Variants in GRIK2 observed in about 807,000 individuals in gnomAD.
GRIK2 encodes the protein glutamate receptor ionotropic, kainate 2.
GRIK2 carries 32 observed loss-of-function variants against 100.3 expected under a neutral mutation model. The observed-to-expected ratio is 0.32, with a 90% confidence interval of 0.24 to 0.43. The LOEUF is 0.43. Ranked by LOEUF, GRIK2 falls within the 20% of genes least tolerant of loss-of-function variation. GRIK2 has a pLI of 1.00. For synonymous variants in GRIK2, 417 were observed against 389.4 expected, an observed-to-expected ratio of 1.07 and a Z score of -0.83; for missense variants, 843 against 1,114.9, an observed-to-expected ratio of 0.76 and a Z score of 3.47.
At chr6:101,505,099 A>G (rs79052929) in intron 2 of GRIK2, among the ~76,000 whole-genome samples, 98 of 151,300 alleles carry the variant, frequency 6.5e-4, no homozygotes, top group African/African-American at 2.3e-3. Context: ...CATTAAGTTT[A>G]AAAATTACTA....
chr6:101,771,533 AT>A (rs1778404868), intron 7 of GRIK2, among the ~76,000 whole-genome samples: 1 of 150,856 alleles, frequency 6.6e-6, no homozygotes, highest in African/African-American at 2.4e-5. Context: ...ATTTATTATT[AT>A]TTTTTATTAT....
intron 12 of GRIK2, among the ~76,000 whole-genome samples, chr6:101,901,424 A>G (rs1787839123): frequency 6.6e-6 from 1 of 151,998 alleles, no homozygotes; most frequent in Admixed American, 6.6e-5. Flanking sequence ...GCCTGAATTC[A>G]TGGCAAACAA....
chr6:101,723,064 A>C (rs1774600714), intron 7 of GRIK2, among the ~76,000 whole-genome samples: 2 of 152,058 alleles, frequency 1.3e-5, no homozygotes, highest in Admixed American at 6.6e-5. Flanking sequence ...TGAGACAGAA[A>C]GAATGAGTAG....
chr6:102,059,825 A>G (rs914174224), intron 16 of GRIK2, among the ~76,000 whole-genome samples: 2 of 150,532 alleles, frequency 1.3e-5, no homozygotes, highest in Admixed American at 6.6e-5. Context: ...TGTGTTTTGT[A>G]TATAGAAAGA....
At chr6:101,580,753 A>T (rs1187883113) in intron 2 of GRIK2, among the ~76,000 whole-genome samples, 2 of 151,962 alleles carry the variant, frequency 1.3e-5, no homozygotes, top group African/African-American at 4.8e-5. Context: ...TTTCTTGGAA[A>T]TGCCAGGCAT....
At position 101,964,696 on chromosome 6, in the gene GRIK2, G is replaced by A. The variant is rs568376760; in HGVS notation, c.2085+36064G>A. ...ACTTTTTGTTCTTCCTGGCATCCCA[G>A]GGAAATTCTGGCCTGGGGAAGCTGT... On this transcript the variant is annotated intron_variant, in intron 14 of 16. Coordinates refer to ENST00000369134, the MANE Select transcript of GRIK2 (RefSeq NM_021956.5). Among the ~76,000 whole-genome samples, 8 of 152,276 alleles carry A rather than the reference G, an allele frequency of 5.3e-5. No individual in the cohort carries two copies. In the South Asian group the frequency reaches 1.5e-3, roughly 28 times the overall value.
At chr6:101,532,644 CAGTTTT>C (rs1775500886) in intron 2 of GRIK2, among the ~76,000 whole-genome samples, 1 of 150,206 alleles carries the variant, frequency 6.7e-6, no homozygotes, top group Admixed American at 6.7e-5. Context: ...ACTAAAGAGT[CAGTTTT>C]AGTAAATGTG....
At chr6:101,988,787 T>C (rs930944495) in intron 14 of GRIK2, among the ~76,000 whole-genome samples, 6 of 151,916 alleles carry the variant, frequency 3.9e-5, no homozygotes, top group African/African-American at 1.4e-4. Flanking sequence ...GTGTTAAATG[T>C]GAATAAAATC....
chr6:101,695,148 G>T (rs1772389414), intron 7 of GRIK2, among the ~76,000 whole-genome samples: 1 of 151,914 alleles, frequency 6.6e-6, no homozygotes, highest in African/African-American at 2.4e-5. Context: ...AATTCTGGTG[G>T]CCAAAAAGCC....
chr6:101,748,128 T>A (rs978450599), intron 7 of GRIK2, among the ~76,000 whole-genome samples: 1 of 152,156 alleles, frequency 6.6e-6, no homozygotes. Flanking sequence ...AGTTATAACA[T>A]GATGTTAAAA....
intron 2 of GRIK2, among the ~76,000 whole-genome samples, chr6:101,562,155 C>G (rs1434171224): frequency 1.3e-5 from 2 of 151,892 alleles, no homozygotes; most frequent in Non-Finnish European, 2.9e-5. Flanking sequence ...TCTCTCATGC[C>G]CCTTCCAAGT....
chr6:101,650,450 AG>A (rs151252564), intron 4 of GRIK2, among the ~76,000 whole-genome samples: 88 of 152,216 alleles, frequency 5.8e-4, no homozygotes, highest in African/African-American at 2.1e-3. Context: ...AAGAATACTC[AG>A]TCGACAAAGA....
chr6:101,678,289 T>TA (rs1354074114), intron 5 of GRIK2, among the ~76,000 whole-genome samples: 1 of 152,174 alleles, frequency 6.6e-6, no homozygotes, highest in Non-Finnish European at 1.5e-5. Flanking sequence ...TTCTATTAGA[T>TA]ATATTTATTA....
chr6:101,848,050 C>G (rs1347593157), intron 10 of GRIK2, among the ~76,000 whole-genome samples: 3 of 152,128 alleles, frequency 2.0e-5, no homozygotes, highest in African/African-American at 7.2e-5. Context: ...AGCCACCACA[C>G]AGGTTAAAAT....
At chr6:101,871,101 C>T (rs1357187113) in intron 11 of GRIK2, among the ~76,000 whole-genome samples, 1 of 151,758 alleles carries the variant, frequency 6.6e-6, no homozygotes. Context: ...AAATATAGTA[C>T]ATGCTGTAAT....
At chr6:101,576,788 A>C (rs1777810726) in intron 2 of GRIK2, among the ~76,000 whole-genome samples, 1 of 152,056 alleles carries the variant, frequency 6.6e-6, no homozygotes, top group Non-Finnish European at 1.5e-5. Context: ...TGAACATAAA[A>C]AATTTTTGCT....
chr6:101,789,474 A>G (rs1328363021), intron 7 of GRIK2, among the ~76,000 whole-genome samples: 6 of 152,114 alleles, frequency 3.9e-5, no homozygotes, highest in Non-Finnish European at 7.4e-5. Flanking sequence ...TCCTTTCCCC[A>G]TTGCTTGTTT....
chr6:102,032,952 T>G (rs1039983163), intron 14 of GRIK2, among the ~76,000 whole-genome samples: 1 of 151,298 alleles, frequency 6.6e-6, no homozygotes, highest in East Asian at 2.0e-4. Flanking sequence ...AAATGTATAT[T>G]TAGATAGAGT....
chr6:101,462,357 A>G (rs2245037), intron 2 of GRIK2, among the ~76,000 whole-genome samples: 88,177 of 151,902 alleles, frequency 0.58, 26,296 homozygotes, highest in African/African-American at 0.72. Context: ...TTGACAGCAT[A>G]TTTTCTGTTT....
Sources: allele counts gnomAD v4.1 joint callset (sites outside exome capture counted in the v4.1 genomes callset), GRCh38; gene constraint gnomAD v4.1.1; transcripts MANE v1.5; gene names NCBI Gene and HGNC (gene_info 2026-07-23, HGNC 2026-07-21).